Variants in PHF21A observed in about 807,000 individuals in gnomAD.
The protein encoded by PHF21A is BHC80a.
In PHF21A, 11 loss-of-function variants were observed where a neutral mutation model predicts 82.5. The observed-to-expected ratio is 0.13, with a 90% CI of 0.08 to 0.22. The LOEUF is 0.22. Among genes scored for constraint, PHF21A ranks in the 10% least tolerant of loss-of-function variants. PHF21A has a pLI of 1.00. For missense variants in PHF21A, 579 were observed against 837.8 expected, an observed-to-expected ratio of 0.69 and a Z score of 3.81; for synonymous variants, 297 against 302.8, an observed-to-expected ratio of 0.98 and a Z score of 0.20.
At position 45,935,632 on chromosome 11, in the gene PHF21A, T is replaced by G; in HGVS notation, c.1788+4A>C. On this transcript the variant is annotated splice_donor_region_variant and intron_variant, in intron 18 of 18. Transcript: ENST00000676320. ...CGACTGCTGAAGGCATGAGGTTTAC[T>G]TACACTTATGGAATTGCTGAGCTGT... 7.3e-7 allele frequency: 1 copy of G among 1,377,312 alleles called. No individual in the cohort carries two copies. Among genetic ancestry groups the G allele is most frequent in the Non-Finnish European group, 1.0e-6 (1 of 964,282 alleles). The allele number at this position is 1,377,312 out of a possible 1,614,324, so 85.3% of individuals were successfully genotyped here. A position where few individuals can be genotyped will look rare whatever the true frequency, so the allele number is the denominator to read the frequency against.
In PHF21A at chr11:46,092,176, T is replaced by C. The variant is rs1251690322; in HGVS notation, c.-196+7A>G. The C allele has an allele frequency of 6.6e-6, 1 of 151,636 alleles. No homozygotes were observed. The highest frequency in any genetic ancestry group is 1.5e-5 in the Non-Finnish European group (1 of 67,994). 9.4% of individuals were successfully genotyped at this position (151,636 alleles called of 1,614,324 possible). On this transcript the variant is annotated splice_region_variant and intron_variant, in intron 2 of 18. Transcript: ENST00000676320. The stretch of plus-strand genomic sequence containing the variant: ...GCACACGATGTCTACCTAGTCAAAG[T>C]ACTTACCAATTTTGGGGAAACTGGC...
chr11:46,035,339 T>G (rs1004276258), intron 6 of PHF21A, among the ~76,000 whole-genome samples: 1 of 152,254 alleles, frequency 6.6e-6, no homozygotes, highest in African/African-American at 2.4e-5. Context: ...GTTTTATTTT[T>G]AAGTTGTTTT....
intron 10 of PHF21A, among the ~76,000 whole-genome samples, chr11:45,963,724 T>C (rs1159892178): frequency 6.6e-6 from 1 of 152,154 alleles, no homozygotes; most frequent in Non-Finnish European, 1.5e-5. Context: ...TAACCTAAAA[T>C]AGTGTTGTGA....
At chr11:46,101,614 T>A (rs2097096382) in intron 1 of PHF21A, among the ~76,000 whole-genome samples, 1 of 152,186 alleles carries the variant, frequency 6.6e-6, no homozygotes, top group South Asian at 2.1e-4. Flanking sequence ...AAATGCCTGG[T>A]ATAGATCTTA....
chr11:46,083,492 A>G (rs2096818998), intron 4 of PHF21A: 1 of 152,240 alleles, frequency 6.6e-6, no homozygotes, highest in African/African-American at 2.4e-5. Context: ...CTCCGCTCCC[A>G]TATCCCCAAT....
intron 5 of PHF21A, among the ~76,000 whole-genome samples, chr11:46,078,107 G>C (rs553589890): frequency 2.0e-5 from 3 of 151,884 alleles, no homozygotes; most frequent in African/African-American, 7.3e-5. Context: ...AATTTAAATT[G>C]TGACTATACC....
intron 6 of PHF21A, among the ~76,000 whole-genome samples, chr11:45,981,557 G>A (rs1179150536): frequency 1.3e-5 from 2 of 152,124 alleles, no homozygotes; most frequent in East Asian, 1.9e-4. Flanking sequence ...GCCCTAATAG[G>A]AGGAAGAAGG....
At chr11:46,055,713 G>A (rs11038754) in intron 6 of PHF21A, among the ~76,000 whole-genome samples, 21,268 of 152,032 alleles carry the variant, frequency 0.14, 1,667 homozygotes, top group Non-Finnish European at 0.17. Context: ...TTATATAAAC[G>A]CCCCAACAAT....
chr11:46,025,397 A>C (rs915716536), intron 6 of PHF21A, among the ~76,000 whole-genome samples: 1 of 152,214 alleles, frequency 6.6e-6, no homozygotes. Flanking sequence ...GATGAAGTAG[A>C]TATCCCCTTT....
intron 1 of PHF21A, chr11:46,118,718 A>G (rs1852107129): frequency 6.6e-6 from 1 of 151,998 alleles, no homozygotes; most frequent in South Asian, 2.1e-4. Context: ...TAAAGACAGA[A>G]GAAGAGAATA....
chr11:46,111,234 C>T (rs555162362), intron 1 of PHF21A, among the ~76,000 whole-genome samples: 6 of 151,400 alleles, frequency 4.0e-5, no homozygotes, highest in Non-Finnish European at 7.4e-5. Flanking sequence ...TTTGGGAGGC[C>T]GAGGTGGGCA....
At chr11:45,945,774 C>T (rs964635376) in intron 15 of PHF21A, 66 bp downstream of exon 15, 15 of 1,350,728 alleles carry the variant, frequency 1.1e-5, no homozygotes, top group Non-Finnish European at 1.5e-5. Context: ...AAGGAGACAA[C>T]ATATGATAAC....
At chr11:46,085,921 A>G (rs2096851363) in intron 3 of PHF21A, among the ~76,000 whole-genome samples, 1 of 152,160 alleles carries the variant, frequency 6.6e-6, no homozygotes, top group South Asian at 2.1e-4. Context: ...TATAACATCA[A>G]AATACTCAAA....
At chr11:46,092,404 A>C (rs1436315743) in intron 1 of PHF21A, among the ~76,000 whole-genome samples, 181 bp from the exon 2 acceptor site, 1 of 152,202 alleles carries the variant, frequency 6.6e-6, no homozygotes, top group African/African-American at 2.4e-5. Flanking sequence ...ACAGCAAAGA[A>C]AAGAACTCAA....
At chr11:45,955,312 T>C (rs2092551138) in intron 10 of PHF21A, among the ~76,000 whole-genome samples, 1 of 152,008 alleles carries the variant, frequency 6.6e-6, no homozygotes, top group Non-Finnish European at 1.5e-5. Context: ...ACACACACTT[T>C]TTAATCAAAA....
At chr11:45,959,053 TG>T (rs2092912101) in intron 10 of PHF21A, among the ~76,000 whole-genome samples, 1 of 152,156 alleles carries the variant, frequency 6.6e-6, no homozygotes, top group South Asian at 2.1e-4. Flanking sequence ...ATTAAAAGGA[TG>T]GTACACTATG....
At chr11:45,944,252 C>A (rs924202721) in intron 15 of PHF21A, among the ~76,000 whole-genome samples, 4 of 152,084 alleles carry the variant, frequency 2.6e-5, no homozygotes, top group African/African-American at 7.2e-5. Context: ...AGATATATAG[C>A]AAAATATTTT....
intron 10 of PHF21A, among the ~76,000 whole-genome samples, chr11:45,957,983 T>C (rs1171110156): frequency 2.0e-5 from 3 of 151,858 alleles, no homozygotes; most frequent in Non-Finnish European, 4.4e-5. Flanking sequence ...GGAGAATATA[T>C]TGAAAAACTG....
intron 6 of PHF21A, among the ~76,000 whole-genome samples, chr11:45,986,428 G>A (rs1313246936): frequency 2.6e-5 from 4 of 151,906 alleles, no homozygotes; most frequent in Non-Finnish European, 5.9e-5. Context: ...GAGTGTGGCT[G>A]TTGTACTCAA....
Sources: gnomAD v4.1 joint callset for allele counts (sites outside exome capture counted in the v4.1 genomes callset) on GRCh38, gnomAD v4.1.1 for gene constraint, MANE v1.5 for transcripts, NCBI Gene and HGNC (gene_info 2026-07-23, HGNC 2026-07-21) for gene names.